The following LRP6 variants were observed in gnomAD, a reference collection of about 807,000 sequenced individuals.
LRP6 encodes low-density lipoprotein receptor-related protein 6.
Under a neutral mutation model 184.1 loss-of-function variants are expected in LRP6, and 43 were observed. The ratio of observed to expected loss-of-function variants is 0.23; its 90% confidence interval spans 0.18 to 0.30. The LOEUF is 0.30. LRP6 is among the 10% of genes least tolerant of loss of function. The pLI is 1.00. For synonymous variants in LRP6, 719 were observed against 684.9 expected (o/e 1.05, Z -0.78); for missense variants, 1,571 against 2,005.3 (o/e 0.78, Z 4.14).
Position 12,119,990 on chromosome 12 carries a change from A to AATATATATATATATATATAT in LRP6, c.*1116_*1135dup, listed in dbSNP as rs550587604. On this transcript the variant is annotated 3_prime_UTR_variant, in exon 23 of 23. Transcript: ENST00000261349. ...ACTCAGAAAACAAACAAACAAACAA[A>AATATATATATATATATATAT]ATATATATATATATATATATATATA... 2 of 45,520 alleles carry AATATATATATATATATATAT rather than the reference A, an allele frequency of 4.4e-5. No homozygotes were observed. The highest frequency in any genetic ancestry group is 9.5e-5 in the African/African-American group (1 of 10,566). 2.8% of individuals were successfully genotyped at this position (45,520 alleles called of 1,614,324 possible).
intron 7 of LRP6, among the ~76,000 whole-genome samples, chr12:12,175,791 T>C (rs1273947798): frequency 6.6e-6 from 1 of 151,212 alleles, no homozygotes; most frequent in Admixed American, 6.6e-5. Context: ...TTGACAATAC[T>C]ATTGTTTTCA....
chr12:12,261,358 A>G (rs540709673), intron 1 of LRP6, among the ~76,000 whole-genome samples: 30 of 151,144 alleles, frequency 2.0e-4, no homozygotes, highest in Non-Finnish European at 2.5e-4. Flanking sequence ...AGCTGAGATC[A>G]CGCCGCTGCA....
intron 3 of LRP6, among the ~76,000 whole-genome samples, chr12:12,194,613 CATA>C (rs1863706314): frequency 6.6e-6 from 1 of 152,036 alleles, no homozygotes; most frequent in African/African-American, 2.4e-5. Context: ...TTAACTGGTA[CATA>C]ATAATTACAC....
intron 19 of LRP6, 26 bp from the exon 20 acceptor site, chr12:12,126,947 A>G (rs545673507): frequency 1.9e-6 from 3 of 1,570,126 alleles, no homozygotes; most frequent in East Asian, 2.2e-5. Flanking sequence ...CAGTATGGTT[A>G]TTTAATAGAA....
chr12:12,233,426 C>A (rs1008757783), intron 2 of LRP6, among the ~76,000 whole-genome samples: 1 of 152,108 alleles, frequency 6.6e-6, no homozygotes, highest in Admixed American at 6.5e-5. Context: ...CAAGATCATG[C>A]CACTGCACTC....
At chr12:12,251,494 G>A (rs1865325059) in intron 1 of LRP6, among the ~76,000 whole-genome samples, 1 of 152,042 alleles carries the variant, frequency 6.6e-6, no homozygotes, top group African/African-American at 2.4e-5. Flanking sequence ...CTCCCGAGTA[G>A]CTGGGACTAC....
intron 7 of LRP6, among the ~76,000 whole-genome samples, chr12:12,168,476 C>T (rs772478850): frequency 4.6e-5 from 7 of 152,088 alleles, no homozygotes; most frequent in Admixed American, 1.3e-4. Context: ...TGAGATAGAA[C>T]GAACACATGG....
At position 12,117,494 on chromosome 12, in the gene LRP6, G is replaced by A. The variant is rs1375872255; in HGVS notation, c.*3632C>T. ...ATGATAACCAATATGTAATTCCTAT[G>A]GCATGCAAATGAATGAAGTGGGACA... On this transcript the variant is annotated 3_prime_UTR_variant, in exon 23 of 23. Transcript: ENST00000261349. 6 of 152,160 alleles carry A rather than the reference G, an allele frequency of 3.9e-5. No homozygotes were observed. The highest frequency in any genetic ancestry group is 3.3e-4 in the Admixed American group (5 of 15,276). 9.4% of individuals were successfully genotyped at this position (152,160 alleles called of 1,614,324 possible).
rs1034623691 is a variant in LRP6 at position 12,160,600 on chromosome 12, C to G, written c.2280-636G>C. Among the ~76,000 whole-genome samples the G allele has an allele frequency of 2.6e-5, 4 of 152,214 alleles. No individual in the cohort carries two copies. In the South Asian group the frequency reaches 8.3e-4, roughly 31 times the overall value. On this transcript the variant is annotated intron_variant, in intron 10 of 22. Coordinates refer to ENST00000261349, the MANE Select transcript of LRP6 (RefSeq NM_002336.3). The stretch of plus-strand genomic sequence containing the variant: ...CAATGAACACTACACTACGCTACAA[C>G]AATCTCTGTGAAATTTTAGAATAAT...
chr12:12,148,569 G>A (rs1478618441), intron 14 of LRP6, among the ~76,000 whole-genome samples: 1 of 152,154 alleles, frequency 6.6e-6, no homozygotes, highest in Non-Finnish European at 1.5e-5. Context: ...ACGTAAATTG[G>A]AAAGGACTAA....
At chr12:12,170,823 ACACACACACG>A (rs1243197263) in intron 7 of LRP6, among the ~76,000 whole-genome samples, 71 of 150,024 alleles carry the variant, frequency 4.7e-4, no homozygotes, top group African/African-American at 1.6e-3. Flanking sequence ...ACACACACAC[ACACACACACG>A]TCTTAGATGA....
In LRP6 at chr12:12,240,827, C is replaced by G. The variant is rs180932790; in HGVS notation, c.449+3435G>C. On this transcript the variant is annotated intron_variant, in intron 2 of 22. Transcript: ENST00000261349. ...AACTGTGGAATCAGACTGAGGGGCT[C>G]CAGCATTAGGAGCAGCCACATAGGA... is the stretch of plus-strand genomic sequence containing the variant. 9.2e-4 allele frequency among the ~76,000 whole-genome samples: 140 copies of G among 152,210 alleles called. 1 individual carries two copies. The highest frequency in any genetic ancestry group is 3.3e-3 in the African/African-American group (138 of 41,536).
intron 2 of LRP6, among the ~76,000 whole-genome samples, chr12:12,241,435 A>G (rs569993474): frequency 1.1e-4 from 16 of 152,284 alleles, no homozygotes; most frequent in African/African-American, 3.6e-4. Context: ...TGATGAATAT[A>G]TTTTTCAGTG....
intron 3 of LRP6, among the ~76,000 whole-genome samples, chr12:12,195,422 A>G (rs2137023808): frequency 6.6e-6 from 1 of 152,092 alleles, no homozygotes; most frequent in Admixed American, 6.5e-5. Flanking sequence ...TTCATTGTGA[A>G]TTTAATTTGC....
Position 12,181,375 on chromosome 12 carries a change from T to C in LRP6, c.1041A>G (p.Pro347=). The change falls in exon 6 of 23, where the codon CCA becomes CCG. Residue 347 remains proline, a synonymous_variant. Coordinates refer to ENST00000261349, the MANE Select transcript of LRP6 (RefSeq NM_002336.3). ...ACTGCAGAACAATGTCTGTAAAATCTGGTGTATCCAAAGAAATGCGTCTCA... is the reference window on the plus strand; with the variant it reads ...ACTGCAGAACAATGTCTGTAAAATCCGGTGTATCCAAAGAAATGCGTCTCA... The part of the protein sequence containing the change: ...TDLRRISLDT[P]DFTDIVLQLE... 6.3e-7 allele frequency: 1 copy of C among 1,591,580 alleles called. No individual in the cohort carries two copies. The highest frequency in any genetic ancestry group is 1.7e-5 in the Admixed American group (1 of 59,970).
In LRP6 at chr12:12,232,004, A is replaced by C. The variant is rs189402847; in HGVS notation, c.449+12258T>G. On this transcript the variant is annotated intron_variant, in intron 2 of 22. Transcript: ENST00000261349. Reference sequence around the variant, plus strand: ...ACGAAGCGAGACCCTGCCTCAAAAAAAAAAACAAAAACAAAAACAAAAACA... The same window carrying C: ...ACGAAGCGAGACCCTGCCTCAAAAACAAAAACAAAAACAAAAACAAAAACA... Among the ~76,000 whole-genome samples the C allele has an allele frequency of 3.7e-3, 555 of 150,676 alleles. 2 individuals carry two copies. The highest frequency in any genetic ancestry group is 8.5e-3 in the African/African-American group (349 of 41,166).
chr12:12,152,754 G>A lies in LRP6; in HGVS notation c.2792-1716C>T, dbSNP rs144404994. ...TTCTCAGGAATATAAAACATAAATA[G>A]CCAAGCCACGACTCCTTGCTTTATT... On this transcript the variant is annotated intron_variant, in intron 12 of 22. Transcript: ENST00000261349. Among the ~76,000 whole-genome samples the A allele has an allele frequency of 2.0e-5, 3 of 152,242 alleles. No individual in the cohort carries two copies. In the East Asian group the frequency reaches 5.8e-4, roughly 29 times the overall value.
rs147893866 is a variant in LRP6, at chr12:12,247,794, C to T, written c.56-3139G>A. On this transcript the variant is annotated intron_variant, in intron 1 of 22. Transcript: ENST00000261349. ...GCTCCCTGGAACATGCCAGTATCTT[C>T]CATTCCAGAGAGCTTACTTTCTGAC... Among the ~76,000 whole-genome samples, 783 of 152,294 alleles carry T rather than the reference C, an allele frequency of 5.1e-3. 6 individuals are homozygous for T. Among genetic ancestry groups the T allele is most frequent in the African/African-American group, 0.018 (748 of 41,580 alleles).
intron 12 of LRP6, chr12:12,155,722 G>T: frequency 9.5e-7 from 1 of 1,052,050 alleles, no homozygotes; most frequent in Non-Finnish European, 1.5e-6. Flanking sequence ...GAGAACCAGT[G>T]GGAAGGAGCC....
Sources: allele counts gnomAD v4.1 joint callset (sites outside exome capture counted in the v4.1 genomes callset), GRCh38; gene constraint gnomAD v4.1.1; transcripts MANE v1.5; gene names NCBI Gene and HGNC (gene_info 2026-07-23, HGNC 2026-07-21).